ASTN1: variants seen among roughly 807,000 people sequenced by gnomAD.
ASTN1 encodes astrotactin-1.
A neutral mutation model predicts 140.7 loss-of-function variants in ASTN1; 41 were observed. That is an observed-to-expected ratio of 0.29 (90% CI 0.23 to 0.38). The LOEUF is 0.38. Among genes scored for constraint, ASTN1 ranks in the 10% least tolerant of loss-of-function variants. The probability of loss-of-function intolerance (pLI) is 1.00; values close to 1 mark genes in which losing one functional copy is unlikely to be tolerated. For missense variants in ASTN1, 1,479 were observed against 1,678.8 expected (o/e 0.88, Z 2.08); for synonymous variants, 640 against 652.2 (o/e 0.98, Z 0.29).
intron 1 of ASTN1, among the ~76,000 whole-genome samples, chr1:177,086,349 A>C (rs1571762487): frequency 6.6e-6 from 1 of 152,232 alleles, no homozygotes; most frequent in East Asian, 1.9e-4. Context: ...ACATAAACTC[A>C]AGTTTCTGAA....
downstream of ASTN1, among the ~76,000 whole-genome samples, chr1:176,859,241 C>T (rs150280567): frequency 2.3e-3 from 357 of 152,274 alleles, 4 homozygotes; most frequent in Non-Finnish European, 3.0e-3. Flanking sequence ...TCCTGGAATT[C>T]CTATCTGGGC....
chr1:177,023,536 C>A lies in ASTN1; in HGVS notation c.1306G>T (p.Asp436Tyr). The A allele has an allele frequency of 1.2e-6, 2 of 1,602,510 alleles. No individual in the cohort carries two copies. The highest frequency in any genetic ancestry group is 4.5e-5 in the East Asian group (2 of 44,406). Residue 436 changes from aspartate (D) to tyrosine (Y), a missense_variant, in exon 7 of 23, where the codon GAT becomes TAT. By Grantham distance (160) the Asp-to-Tyr change is radical. Transcript: ENST00000361833. ...RFILLEGSQL[D>Y]ASDWLNPAQV... is the part of the protein sequence containing the mutation. ...GCAGGGTTCAGCCAGTCACTGGCAT[C>A]CAGCTGGCTCCCCTCCAGCAAGATG...
chr1:176,993,574 A>G (rs1325609187), intron 8 of ASTN1, among the ~76,000 whole-genome samples: 1 of 152,220 alleles, frequency 6.6e-6, no homozygotes, highest in South Asian at 2.1e-4. Context: ...AACACCTGCT[A>G]TAAAGTCTAG....
At chr1:177,126,389 C>T (rs939990838) in intron 1 of ASTN1, among the ~76,000 whole-genome samples, 3 of 152,164 alleles carry the variant, frequency 2.0e-5, no homozygotes, top group African/African-American at 7.2e-5. Context: ...ACAAGCTGTA[C>T]CCCTTGTGTC....
intron 8 of ASTN1, among the ~76,000 whole-genome samples, chr1:176,985,342 A>G (rs1289384227): frequency 4.0e-5 from 6 of 151,800 alleles, no homozygotes; most frequent in Non-Finnish European, 8.8e-5. Context: ...CCCACTGCCC[A>G]TGCATTGACA....
intron 3 of ASTN1, 90 bp downstream of exon 3, chr1:177,032,366 A>T (rs1676483552): frequency 6.6e-7 from 1 of 1,516,038 alleles, no homozygotes; most frequent in African/African-American, 1.4e-5. Flanking sequence ...ATGTAGGACA[A>T]CCAGCTGTTG....
rs1044467469 is a variant in ASTN1, at chr1:177,018,922, G to T, written c.1439-4047C>A. Among the ~76,000 whole-genome samples, 4 of 152,318 alleles carry T rather than the reference G, an allele frequency of 2.6e-5. No homozygotes were observed. The East Asian group carries it at 7.7e-4, about 29-fold the overall frequency. ...TGCTGTTAGCCCCACTTAACCAGAGGCACACCTGGGGTTACAAACCTGGGG... is the reference window on the plus strand; with the variant it reads ...TGCTGTTAGCCCCACTTAACCAGAGTCACACCTGGGGTTACAAACCTGGGG... On this transcript the variant is annotated intron_variant, in intron 7 of 22. Coordinates refer to ENST00000361833, the MANE Select transcript of ASTN1 (RefSeq NM_004319.3).
At chr1:176,913,778 T>C (rs1321985364) in intron 16 of ASTN1, among the ~76,000 whole-genome samples, 1 of 152,148 alleles carries the variant, frequency 6.6e-6, no homozygotes, top group Admixed American at 6.5e-5. Flanking sequence ...AGCATCATGA[T>C]TGGAAAGTAG....
At chr1:177,105,162 C>A (rs1042030570) in intron 1 of ASTN1, among the ~76,000 whole-genome samples, 18 of 152,042 alleles carry the variant, frequency 1.2e-4, no homozygotes, top group Admixed American at 5.9e-4. Flanking sequence ...TCAGCTACCA[C>A]GAAAAGAGTG....
chr1:177,051,236 A>C (rs980385417), intron 2 of ASTN1, among the ~76,000 whole-genome samples: 1 of 152,166 alleles, frequency 6.6e-6, no homozygotes, highest in Non-Finnish European at 1.5e-5. Context: ...TGCAAATAGA[A>C]CCCTAAAGCT....
intron 1 of ASTN1, among the ~76,000 whole-genome samples, chr1:177,077,685 AG>A: frequency 1.3e-5 from 2 of 152,326 alleles, no homozygotes; most frequent in Admixed American, 1.3e-4. Flanking sequence ...AGTATTAGCA[AG>A]GTTCATGAGA....
intron 1 of ASTN1, among the ~76,000 whole-genome samples, chr1:177,066,054 C>T (rs1279683151): frequency 1.3e-5 from 2 of 152,192 alleles, no homozygotes; most frequent in Non-Finnish European, 2.9e-5. Flanking sequence ...GTAACTTTGA[C>T]ATTCTATGAT....
Position 176,862,782 on chromosome 1 carries a change from G to T in ASTN1, c.*1502C>A, listed in dbSNP as rs1019111455. On this transcript the variant is annotated 3_prime_UTR_variant, in exon 23 of 23. Coordinates refer to ENST00000361833, the MANE Select transcript of ASTN1 (RefSeq NM_004319.3). ...TGATACCTAAAGTGCTTACATCAGC[G>T]CCTGGCATACAGCAAGCACTCAATA... 1.6e-5 allele frequency: 16 copies of T among 977,052 alleles called. No individual in the cohort carries two copies. The highest frequency in any genetic ancestry group is 1.9e-5 in the Non-Finnish European group (16 of 822,412). The allele number at this position is 977,052 out of a possible 1,614,324, so 60.5% of individuals were successfully genotyped here.
intron 7 of ASTN1, among the ~76,000 whole-genome samples, chr1:177,015,909 T>C (rs1400453727): frequency 6.6e-6 from 1 of 152,214 alleles, no homozygotes; most frequent in East Asian, 1.9e-4. Context: ...TTTAAATGTC[T>C]GCTTAATTTA....
intron 1 of ASTN1, among the ~76,000 whole-genome samples, chr1:177,109,782 A>G (rs1383301878): frequency 6.6e-6 from 1 of 152,182 alleles, no homozygotes; most frequent in Non-Finnish European, 1.5e-5. Flanking sequence ...GACAGACTTG[A>G]AGATCTCTCA....
At position 177,164,454 on chromosome 1, in the gene ASTN1, G is replaced by A; in HGVS notation, c.223C>T (p.Pro75Ser). 6.2e-7 allele frequency: 1 copy of A among 1,613,742 alleles called. No homozygotes were observed. The highest frequency in any genetic ancestry group is 8.5e-7 in the Non-Finnish European group (1 of 1,179,840). The stretch of plus-strand genomic sequence containing the variant: ...TCGTCCACCACGACCATTTCTCCCG[G>A]GAAGTCGTTGCGCACCGAGAAGAGG... ...KLLFSVRNDFPGEMVVVDDLE... is the reference protein window; with the variant it reads ...KLLFSVRNDFSGEMVVVDDLE... The change falls in exon 1 of 23, where the codon CCG becomes TCG. Residue 75 changes from proline (P) to serine (S), a missense_variant. Around this residue, in one of 3 missense-constraint regions of ASTN1, gnomAD observed 729 missense variants for 860.4 expected, o/e 0.85. Transcript: ENST00000361833.
At chr1:177,028,505 T>C (rs562895420) in intron 5 of ASTN1, among the ~76,000 whole-genome samples, 4 of 152,304 alleles carry the variant, frequency 2.6e-5, no homozygotes, top group South Asian at 2.1e-4. Context: ...GAACACCTGT[T>C]ATGAAGGGAA....
chr1:177,048,389 C>A (rs1044797838), intron 2 of ASTN1, among the ~76,000 whole-genome samples: 1 of 152,208 alleles, frequency 6.6e-6, no homozygotes, highest in Non-Finnish European at 1.5e-5. Context: ...CAGAGTCCAC[C>A]ATCCTACCAG....
chr1:177,149,293 G>GTA (rs1491188993), intron 1 of ASTN1, among the ~76,000 whole-genome samples: 1 of 74,170 alleles, frequency 1.3e-5, no homozygotes, highest in Non-Finnish European at 2.2e-5. Context: ...TATATATATA[G>GTA]TATATATATA....
Sources: allele counts gnomAD v4.1 joint callset (sites outside exome capture counted in the v4.1 genomes callset), GRCh38; gene constraint gnomAD v4.1.1; regional missense constraint gnomAD v4.1.1; transcripts MANE v1.5; gene names NCBI Gene and HGNC (gene_info 2026-07-23, HGNC 2026-07-21).